HDAC9: variants seen among roughly 807,000 people sequenced by gnomAD.
HDAC9 encodes the protein MEF-2 interacting transcription repressor (MITR) protein.
A neutral mutation model predicts 139.4 loss-of-function variants in HDAC9; 41 were observed. That is an observed-to-expected ratio of 0.29 (90% CI 0.23 to 0.38). The LOEUF (loss-of-function observed/expected upper bound fraction) is 0.38. Among genes scored for constraint, HDAC9 ranks in the 10% least tolerant of loss-of-function variants. The pLI is 1.00. For missense variants in HDAC9, 1,147 were observed against 1,297.0 expected, an observed-to-expected ratio of 0.88 and a Z score of 1.78; for synonymous variants, 517 against 476.2, an observed-to-expected ratio of 1.09 and a Z score of -1.12.
At chr7:18,667,069 G>A (rs1396966949) in intron 12 of HDAC9, 1 of 985,212 alleles carries the variant, frequency 1.0e-6, no homozygotes, top group Admixed American at 6.2e-5. Context: ...AGGTTATTGT[G>A]TAGGTTGCAA....
intron 17 of HDAC9, among the ~76,000 whole-genome samples, chr7:18,822,388 C>A (rs540409231): frequency 6.6e-6 from 1 of 152,206 alleles, no homozygotes; most frequent in Non-Finnish European, 1.5e-5. Context: ...GAGTCTCACT[C>A]TTGTCGCCCA....
chr7:18,404,519 C>T (rs1787833480), intron 1 of HDAC9, among the ~76,000 whole-genome samples: 1 of 152,132 alleles, frequency 6.6e-6, no homozygotes, highest in African/African-American at 2.4e-5. Flanking sequence ...AGTGCCTAGG[C>T]AGGTATATAA....
At chr7:18,284,477 A>T (rs529006458) in intron 2 of HDAC9, among the ~76,000 whole-genome samples, 27 of 152,198 alleles carry the variant, frequency 1.8e-4, no homozygotes, top group African/African-American at 6.5e-4. Flanking sequence ...TCTTCCACCA[A>T]AGTAACTTCA....
At chr7:18,848,207 G>T (rs921454361) in intron 21 of HDAC9, among the ~76,000 whole-genome samples, 1 of 152,138 alleles carries the variant, frequency 6.6e-6, no homozygotes, top group African/African-American at 2.4e-5. Context: ...GCGGAATTAA[G>T]GAGGCCCTAT....
upstream of HDAC9, among the ~76,000 whole-genome samples, chr7:18,289,132 C>A (rs1463906891): frequency 6.6e-6 from 1 of 152,124 alleles, no homozygotes; most frequent in Non-Finnish European, 1.5e-5. Flanking sequence ...TTTGTTCTCA[C>A]CTTAAACTCA....
chr7:18,348,807 ATTTG>A (rs1427731942), intron 1 of HDAC9, among the ~76,000 whole-genome samples: 1 of 152,096 alleles, frequency 6.6e-6, no homozygotes, highest in African/African-American at 2.4e-5. Flanking sequence ...TACAGCTACT[ATTTG>A]TTAAGCACTT....
intron 1 of HDAC9, among the ~76,000 whole-genome samples, chr7:18,407,445 A>G (rs548947801): frequency 1.3e-5 from 2 of 152,334 alleles, no homozygotes; most frequent in African/African-American, 4.8e-5. Context: ...GTGGGGTGAC[A>G]CGTTTAGGCA....
intron 24 of HDAC9, among the ~76,000 whole-genome samples, chr7:18,971,354 A>G (rs1784232864): frequency 6.6e-6 from 1 of 152,224 alleles, no homozygotes; most frequent in Non-Finnish European, 1.5e-5. Flanking sequence ...TGCCAGTTGC[A>G]TAGCCATAGG....
intron 1 of HDAC9, chr7:18,327,551 A>G (rs901077485): frequency 6.6e-6 from 1 of 151,930 alleles, no homozygotes; most frequent in Non-Finnish European, 1.5e-5. Context: ...GCGACACTTC[A>G]TCTTGGGATG....
intron 1 of HDAC9, among the ~76,000 whole-genome samples, chr7:18,449,357 G>C (rs1057460140): frequency 1.3e-5 from 2 of 152,100 alleles, no homozygotes; most frequent in African/African-American, 4.8e-5. Context: ...CTGAAAGAAA[G>C]TAACCAAACA....
intron 6 of HDAC9, among the ~76,000 whole-genome samples, chr7:18,610,964 T>C: frequency 6.6e-6 from 1 of 152,204 alleles, no homozygotes; most frequent in East Asian, 1.9e-4. Context: ...TCTTTCCTAT[T>C]ACATTCTTTC....
At chr7:18,308,036 C>T (rs963355583) in intron 1 of HDAC9, among the ~76,000 whole-genome samples, 2 of 152,042 alleles carry the variant, frequency 1.3e-5, no homozygotes, top group African/African-American at 4.8e-5. Flanking sequence ...TTTCTGATAC[C>T]TACAAATATA....
intron 2 of HDAC9, among the ~76,000 whole-genome samples, chr7:18,518,961 A>G (rs971813463): frequency 6.6e-6 from 1 of 152,186 alleles, no homozygotes; most frequent in Admixed American, 6.5e-5. Context: ...CCTTGAAGCT[A>G]TAGTGTGGTA....
intron 23 of HDAC9, among the ~76,000 whole-genome samples, chr7:18,938,717 C>T (rs1781825843): frequency 6.6e-6 from 1 of 152,218 alleles, no homozygotes; most frequent in African/African-American, 2.4e-5. Context: ...CAACTGTTGG[C>T]TACCTTGGAG....
intron 2 of HDAC9, among the ~76,000 whole-genome samples, chr7:18,497,815 AT>A (rs984475319): frequency 6.6e-6 from 1 of 151,956 alleles, no homozygotes; most frequent in African/African-American, 2.4e-5. Flanking sequence ...CAAGTTTGAT[AT>A]TTTTTTTCAT....
At chr7:18,547,889 C>T (rs1392359483) in intron 2 of HDAC9, among the ~76,000 whole-genome samples, 1 of 139,136 alleles carries the variant, frequency 7.2e-6, no homozygotes, top group Non-Finnish European at 1.6e-5. Context: ...CCCTCTCTCC[C>T]TCTCTCCCTC....
intron 2 of HDAC9, among the ~76,000 whole-genome samples, chr7:18,237,600 G>T (rs763825240): frequency 1.4e-4 from 22 of 152,156 alleles, no homozygotes; most frequent in Non-Finnish European, 3.1e-4. Context: ...GGAGTTAATG[G>T]TCAGAATAAA....
intron 2 of HDAC9, among the ~76,000 whole-genome samples, chr7:18,240,412 C>G (rs1584793650): frequency 6.6e-6 from 1 of 152,232 alleles, no homozygotes; most frequent in African/African-American, 2.4e-5. Context: ...TAAAAGATTG[C>G]AGTTATTTGT....
At chr7:18,162,162 G>A in intron 1 of HDAC9, 1 of 634,628 alleles carries the variant, frequency 1.6e-6, no homozygotes, top group Non-Finnish European at 2.7e-6. Flanking sequence ...CCAGTTCTCT[G>A]TGTTTCTTTT....
Sources: allele counts gnomAD v4.1 joint callset (sites outside exome capture counted in the v4.1 genomes callset), GRCh38; gene constraint gnomAD v4.1.1; transcripts MANE v1.5; gene names NCBI Gene and HGNC (gene_info 2026-07-23, HGNC 2026-07-21).